GNPTAB: variants seen among roughly 807,000 people sequenced by gnomAD.
The protein encoded by GNPTAB is N-acetylglucosamine-1-phosphate transferase subunits alpha and beta.
A neutral mutation model predicts 136.6 loss-of-function variants in GNPTAB; 92 were observed. That is an observed-to-expected ratio of 0.67 (90% CI 0.57 to 0.80). The LOEUF (loss-of-function observed/expected upper bound fraction) is 0.80. GNPTAB is among the 30% of genes least tolerant of loss of function. The pLI is 0.00. For missense variants in GNPTAB, 1,343 were observed against 1,501.8 expected, an observed-to-expected ratio of 0.89 and a Z score of 1.75; for synonymous variants, 512 against 535.1, an observed-to-expected ratio of 0.96 and a Z score of 0.60.
rs555371174 is a variant in GNPTAB at position 101,768,373 on chromosome 12, T to C, written c.1285-213A>G. Among the ~76,000 whole-genome samples the C allele has an allele frequency of 2.0e-5, 3 of 152,346 alleles. No individual in the cohort carries two copies. The South Asian group carries it at 6.2e-4, about 32-fold the overall frequency. On this transcript the variant is annotated intron_variant, in intron 10 of 20. Transcript: ENST00000299314. The stretch of plus-strand genomic sequence containing the variant: ...GCGTTGACCGTTCTTACTGAGCGTA[T>C]TTACTTTTTTTCCATTACTCAAGGA...
rs981518510 is a variant in GNPTAB, at chr12:101,757,029, C to T, written c.3434+183G>A. ...AGTTCTTCGAAGTTCAGGCTCATCC[C>T]TCTGCATGGGGGACCCTATCTCAAC... is the stretch of plus-strand genomic sequence containing the variant. On this transcript the variant is annotated intron_variant, in intron 18 of 20. Transcript: ENST00000299314. 5.3e-6 allele frequency: 3 copies of T among 560,820 alleles called. No homozygotes were observed. The African/African-American group carries it at 5.7e-5, about 11-fold the overall frequency. 34.7% of individuals were successfully genotyped at this position (560,820 alleles called of 1,614,324 possible).
rs369068278 is a variant in GNPTAB, at chr12:101,783,396, G to A, written c.571+2616C>T. 4.6e-5 allele frequency among the ~76,000 whole-genome samples: 7 copies of A among 152,310 alleles called. No homozygotes were observed. In the East Asian group the frequency reaches 5.8e-4, roughly 13 times the overall value. ...AAGAAAGGAAAATAAAATGTCCCAA[G>A]GGAGAGGGATTACGTGAGTTCTGTG... On this transcript the variant is annotated intron_variant, in intron 5 of 20. Transcript: ENST00000299314.
At chr12:101,812,143 G>A (rs1040362109) in intron 1 of GNPTAB, among the ~76,000 whole-genome samples, 1 of 152,058 alleles carries the variant, frequency 6.6e-6, no homozygotes, top group Non-Finnish European at 1.5e-5. Flanking sequence ...TACTTGGGAG[G>A]CTGAGGCAGA....
At chr12:101,819,637 G>A (rs1016289488) in intron 1 of GNPTAB, among the ~76,000 whole-genome samples, 28 of 152,170 alleles carry the variant, frequency 1.8e-4, no homozygotes, top group African/African-American at 6.5e-4. Flanking sequence ...CCCTGAATGA[G>A]TGTGACCTGA....
chr12:101,772,068 A>C (rs747693144), intron 7 of GNPTAB, among the ~76,000 whole-genome samples: 5 of 152,162 alleles, frequency 3.3e-5, no homozygotes, highest in Admixed American at 3.3e-4. Flanking sequence ...GGCAATCATA[A>C]ATCTAAGCGT....
chr12:101,811,638 C>CTTT (rs34690912), intron 1 of GNPTAB, among the ~76,000 whole-genome samples: 11 of 134,766 alleles, frequency 8.2e-5, no homozygotes, highest in Non-Finnish European at 1.6e-4. Context: ...GTGCTACACA[C>CTTT]TTTTTTTTTT....
chr12:101,777,466 C>T (rs1223228770), intron 7 of GNPTAB, among the ~76,000 whole-genome samples: 2 of 152,196 alleles, frequency 1.3e-5, no homozygotes, highest in Admixed American at 6.5e-5. Context: ...CTGAAAACAC[C>T]ATTTATGTTC....
intron 8 of GNPTAB, 81 bp from the exon 9 acceptor site, chr12:101,770,666 G>A (rs371267828): frequency 4.5e-5 from 45 of 1,005,540 alleles, no homozygotes; most frequent in Admixed American, 3.6e-4. Flanking sequence ...CCTTCTGCCC[G>A]TCTGCTCTCA....
chr12:101,791,979 A>G (rs1189658460), intron 2 of GNPTAB, among the ~76,000 whole-genome samples: 1 of 152,252 alleles, frequency 6.6e-6, no homozygotes, highest in Non-Finnish European at 1.5e-5. Flanking sequence ...CACGGAGCTT[A>G]CATTCCAGAA....
chr12:101,754,150 T>C (rs1265937783), intron 18 of GNPTAB, among the ~76,000 whole-genome samples: 1 of 146,878 alleles, frequency 6.8e-6, no homozygotes, highest in African/African-American at 2.5e-5. Context: ...CTGAAGGCCA[T>C]GCATGGTGGC....
intron 15 of GNPTAB, among the ~76,000 whole-genome samples, chr12:101,760,700 A>G (rs1243172780): frequency 6.6e-6 from 1 of 152,174 alleles, no homozygotes; most frequent in Non-Finnish European, 1.5e-5. Context: ...CCCACAGTAA[A>G]TATTAAGAAT....
At chr12:101,778,758 T>C (rs1032238882) in intron 7 of GNPTAB, 15 of 151,976 alleles carry the variant, frequency 9.9e-5, no homozygotes, top group African/African-American at 3.6e-4. Context: ...AATACAAAAA[T>C]TAGCCAGGCA....
intron 13 of GNPTAB, 43 bp from the exon 14 acceptor site, chr12:101,761,806 GC>G (rs762892358): frequency 1.6e-5 from 21 of 1,352,326 alleles, no homozygotes; most frequent in Non-Finnish European, 2.1e-5. Flanking sequence ...TATGTTTAGT[GC>G]ACAAGTGTAC....
rs1953055765 is a variant in GNPTAB, at chr12:101,764,539, A to T, written c.2378T>A (p.Val793Glu). ...GTCATGACCATTCACTTTTACACTC[A>T]CTGCAGGAAAAGTCAACCTCTGCAA... is the stretch of plus-strand genomic sequence containing the variant. ...ERLQRLTFPA[V>E]SVKVNGHDQG... is the part of the protein sequence containing the mutation. The change falls in exon 13 of 21, where the codon GTG becomes GAG. Residue 793 changes from valine to glutamate, a missense_variant. Val to Glu is a moderately radical substitution (Grantham distance 121). Transcript: ENST00000299314. 1.9e-6 allele frequency: 3 copies of T among 1,613,042 alleles called. No homozygotes were observed. The highest frequency in any genetic ancestry group is 2.5e-6 in the Non-Finnish European group (3 of 1,179,694).
chr12:101,824,842 T>C (rs1871007974), intron 1 of GNPTAB, among the ~76,000 whole-genome samples: 1 of 152,214 alleles, frequency 6.6e-6, no homozygotes. Flanking sequence ...ACTTGCAACC[T>C]AGTGCTGTTA....
At chr12:101,767,583 C>G (rs1953112761) in intron 11 of GNPTAB, among the ~76,000 whole-genome samples, 1 of 152,168 alleles carries the variant, frequency 6.6e-6, no homozygotes, top group Non-Finnish European at 1.5e-5. Flanking sequence ...AACTGGGCCA[C>G]ATGAGGGCAC....
At position 101,780,564 on chromosome 12, in the gene GNPTAB, C is replaced by T. The variant is rs1286134541; in HGVS notation, c.629G>A (p.Gly210Asp). The T allele has an allele frequency of 1.2e-6, 2 of 1,604,300 alleles. No homozygotes were observed. Among genetic ancestry groups the T allele is most frequent in the Non-Finnish European group, 1.7e-6 (2 of 1,171,860 alleles). The stretch of plus-strand genomic sequence containing the variant: ...AAATTTAAAATAACATACCAAGTAG[C>T]CCCTCCATACTGTCTGTCTGCTATT... Reference protein sequence around the residue: ...KGNSRQTVWRGYLTTDKEVPG... With the variant: ...KGNSRQTVWRDYLTTDKEVPG... The change falls in exon 6 of 21, where the codon GGC (glycine) becomes GAC (aspartate). Residue 210 changes from glycine (G) to aspartate (D), a missense_variant. By Grantham distance (94) the Gly-to-Asp change is moderately conservative (BLOSUM62 -1). Transcript: ENST00000299314.
intron 1 of GNPTAB, among the ~76,000 whole-genome samples, chr12:101,829,032 G>A (rs995943213): frequency 1.3e-5 from 2 of 152,184 alleles, no homozygotes. Flanking sequence ...CAGGCCAGCT[G>A]CCTTCACCTC....
At chr12:101,752,878 A>T (rs1290079834) in intron 19 of GNPTAB, among the ~76,000 whole-genome samples, 1 of 152,238 alleles carries the variant, frequency 6.6e-6, no homozygotes, top group African/African-American at 2.4e-5. Flanking sequence ...TTAAAATGCA[A>T]ATAAATGTCT....
Sources: gnomAD v4.1 joint callset for allele counts (sites outside exome capture counted in the v4.1 genomes callset) on GRCh38, gnomAD v4.1.1 for gene constraint, MANE v1.5 for transcripts, NCBI Gene and HGNC (gene_info 2026-07-23, HGNC 2026-07-21) for gene names.